The following PRUNE2 variants were observed in gnomAD, a reference collection of about 807,000 sequenced individuals.
PRUNE2 encodes the protein prune homolog 2 with BCH domain, also known as protein prune homolog 2.
PRUNE2 carries 164 observed loss-of-function variants against 252.0 expected under a neutral mutation model. The ratio of observed to expected loss-of-function variants is 0.65; its 90% confidence interval spans 0.57 to 0.74. PRUNE2 has a LOEUF of 0.74. PRUNE2 is among the 30% of genes least tolerant of loss of function. The pLI is 0.00. For synonymous variants in PRUNE2, 1,292 were observed against 1,350.2 expected, an observed-to-expected ratio of 0.96 and a Z score of 0.94; for missense variants, 3,495 against 3,711.0, an observed-to-expected ratio of 0.94 and a Z score of 1.51.
intron 4 of PRUNE2, among the ~76,000 whole-genome samples, chr9:76,832,812 G>A (rs1367621701): frequency 6.6e-6 from 1 of 151,856 alleles, no homozygotes; most frequent in East Asian, 1.9e-4. Flanking sequence ...AAAGAGACAG[G>A]AGAGAAAGAA....
chr9:76,825,019 C>T (rs527734440), intron 5 of PRUNE2, among the ~76,000 whole-genome samples: 1 of 152,204 alleles, frequency 6.6e-6, no homozygotes, highest in African/African-American at 2.4e-5. Flanking sequence ...GCAAAGGCCC[C>T]ACCCCATTTC....
chr9:76,830,354 G>C (rs573999047), intron 4 of PRUNE2, among the ~76,000 whole-genome samples: 1 of 152,074 alleles, frequency 6.6e-6, no homozygotes, highest in Non-Finnish European at 1.5e-5. Flanking sequence ...TTATTCAAAC[G>C]TTAAAGAAAA....
At chr9:76,616,665 T>TA in intron 18 of PRUNE2, among the ~76,000 whole-genome samples, 1 of 152,300 alleles carries the variant, frequency 6.6e-6, no homozygotes, top group East Asian at 1.9e-4. Context: ...CTGGAACCTG[T>TA]TTACCCAGTT....
intron 6 of PRUNE2, chr9:76,759,869 G>T (rs2051527201): frequency 6.6e-6 from 1 of 152,344 alleles, no homozygotes; most frequent in Non-Finnish European, 1.5e-5. Context: ...CGGGGCCGGA[G>T]CCCAGAAGCA....
At chr9:76,858,392 A>C (rs142033454) in intron 1 of PRUNE2, among the ~76,000 whole-genome samples, 4 of 152,334 alleles carry the variant, frequency 2.6e-5, no homozygotes, top group African/African-American at 9.6e-5. Context: ...GGTAAAGAAA[A>C]TGTGGCACAT....
rs1333338934 is a variant in PRUNE2 at position 76,652,565 on chromosome 9, C to G, written c.8475G>C (p.Leu2825Phe). ...SEGSILSDDNLDSPDEIDINV... is the reference protein window; with the variant it reads ...SEGSILSDDNFDSPDEIDINV... ...TGATGTCAATTTCATCTGGACTGTC[C>G]AAGTTATCATCAGAGAGAATAGATC... The change falls in exon 11 of 19, where the codon TTG becomes TTC. Residue 2825 changes from leucine to phenylalanine, a missense_variant. By Grantham distance (22) the Leu-to-Phe change is conservative. Transcript: ENST00000376718. The G allele has an allele frequency of 1.2e-6, 2 of 1,613,118 alleles. No homozygotes were observed. Among genetic ancestry groups the G allele is most frequent in the Non-Finnish European group, 1.7e-6 (2 of 1,179,224 alleles).
intron 6 of PRUNE2, among the ~76,000 whole-genome samples, chr9:76,802,543 AG>A (rs769137986): frequency 6.6e-6 from 1 of 152,188 alleles, no homozygotes; most frequent in Non-Finnish European, 1.5e-5. Context: ...CATTACTGGA[AG>A]ATTAAATGTT....
At chr9:76,800,000 G>A (rs1422573280) in intron 6 of PRUNE2, among the ~76,000 whole-genome samples, 1 of 152,154 alleles carries the variant, frequency 6.6e-6, no homozygotes, top group Non-Finnish European at 1.5e-5. Context: ...ATGGGCAGCA[G>A]CAGTGGCCAA....
At chr9:76,798,513 A>G (rs904161523) in intron 6 of PRUNE2, among the ~76,000 whole-genome samples, 2 of 152,194 alleles carry the variant, frequency 1.3e-5, no homozygotes, top group African/African-American at 4.8e-5. Context: ...GTTATACAAC[A>G]TTTTGTTTAA....
At chr9:76,815,870 T>C (rs2057658766) in intron 6 of PRUNE2, among the ~76,000 whole-genome samples, 1 of 152,036 alleles carries the variant, frequency 6.6e-6, no homozygotes, top group Non-Finnish European at 1.5e-5. Context: ...AGATACAAAA[T>C]AAGAATTCTG....
chr9:76,684,081 G>GT (rs1431568774), intron 9 of PRUNE2, among the ~76,000 whole-genome samples: 4 of 151,924 alleles, frequency 2.6e-5, no homozygotes, highest in Admixed American at 6.6e-5. Flanking sequence ...ACATACTTAT[G>GT]TTTTTTGTGG....
At chr9:76,685,981 C>T (rs1359831437) in intron 9 of PRUNE2, among the ~76,000 whole-genome samples, 2 of 152,168 alleles carry the variant, frequency 1.3e-5, no homozygotes, top group Non-Finnish European at 2.9e-5. Flanking sequence ...GAGGTCATCC[C>T]GCTTACTTAC....
At chr9:76,886,836 T>G (rs989524044) in intron 1 of PRUNE2, among the ~76,000 whole-genome samples, 1 of 152,186 alleles carries the variant, frequency 6.6e-6, no homozygotes, top group African/African-American at 2.4e-5. Context: ...AAATACATTT[T>G]TAACTCAGGA....
chr9:76,774,450 C>CTTTTTTTATTTATTTATTTATTTTTTT (rs1564272256), intron 6 of PRUNE2, among the ~76,000 whole-genome samples: 17 of 41,394 alleles, frequency 4.1e-4, no homozygotes, highest in East Asian at 2.1e-3. Flanking sequence ...CAGTTCAACC[C>CTTTTTTTATTTATTTATTTATTTTTTT]TTTTTTTTTT....
rs750726403 is a variant in PRUNE2 at position 76,806,674 on chromosome 9, A to ATTT, written c.756+16955_756+16957dup. Among the ~76,000 whole-genome samples the ATTT allele has an allele frequency of 2.3e-3, 311 of 134,796 alleles. 2 individuals are homozygous for ATTT. In the Middle Eastern group the frequency reaches 0.031, roughly 13 times the overall value. 88.4% of individuals were successfully genotyped at this position (134,796 alleles called of 152,430 possible). A position where few individuals can be genotyped will look rare whatever the true frequency, so the allele number is the denominator to read the frequency against. On this transcript the variant is annotated intron_variant, in intron 6 of 18. Coordinates refer to ENST00000376718, the MANE Select transcript of PRUNE2 (RefSeq NM_015225.3). ...AGGTGCCCACCAACACGCCCGGCTA[A>ATTT]TTTTTTTTTTTTTTTTTGTATTTTT...
chr9:76,738,791 C>T (rs1002569577), intron 6 of PRUNE2: 14 of 152,164 alleles, frequency 9.2e-5, no homozygotes, highest in Non-Finnish European at 2.9e-5. Flanking sequence ...GAGTAACCAA[C>T]TCTAGGTAAC....
chr9:76,705,178 G>A lies in PRUNE2; in HGVS notation c.7096C>T (p.Leu2366=). ...TACAGGAAGTGTTCAGGCTCTCTCAGTAAATCTTCATCGATATTCTGGCCC... is the reference window on the plus strand; with the variant it reads ...TACAGGAAGTGTTCAGGCTCTCTCAATAAATCTTCATCGATATTCTGGCCC... ...VMGQNIDEDL[L]REPEHFLYGG... The change falls in exon 8 of 19, where the codon CTG becomes TTG. Residue 2366 remains leucine, a synonymous_variant. Coordinates refer to ENST00000376718, the MANE Select transcript of PRUNE2 (RefSeq NM_015225.3). The A allele has an allele frequency of 6.2e-7, 1 of 1,614,026 alleles. No individual in the cohort carries two copies. Among genetic ancestry groups the A allele is most frequent in the Non-Finnish European group, 8.5e-7 (1 of 1,179,898 alleles).
chr9:76,816,522 T>C (rs909484890), intron 6 of PRUNE2, among the ~76,000 whole-genome samples: 1 of 152,186 alleles, frequency 6.6e-6, no homozygotes, highest in Non-Finnish European at 1.5e-5. Context: ...AGTTTAAAAT[T>C]GTAATTCACA....
chr9:76,687,203 T>A (rs1320058318), intron 9 of PRUNE2, among the ~76,000 whole-genome samples: 1 of 152,208 alleles, frequency 6.6e-6, no homozygotes, highest in Non-Finnish European at 1.5e-5. Flanking sequence ...TCCTTTCATC[T>A]CCATTTTACC....
Sources: gnomAD v4.1 joint callset for allele counts (sites outside exome capture counted in the v4.1 genomes callset) on GRCh38, gnomAD v4.1.1 for gene constraint, MANE v1.5 for transcripts, NCBI Gene and HGNC (gene_info 2026-07-23, HGNC 2026-07-21) for gene names.